SLC66A1: variants seen among roughly 807,000 people sequenced by gnomAD.
The protein encoded by SLC66A1 is solute carrier family 66 member 1.
A neutral mutation model predicts 33.0 loss-of-function variants in SLC66A1; 23 were observed. The observed-to-expected ratio is 0.70, with a 90% CI of 0.50 to 0.99. SLC66A1 has a LOEUF of 0.99. SLC66A1 is among the 50% of genes least tolerant of loss of function. The pLI is 0.00. For synonymous variants in SLC66A1, 164 were observed against 175.5 expected (o/e 0.93, Z 0.52); for missense variants, 335 against 383.6 (o/e 0.87, Z 1.06).
In SLC66A1 at chr1:19,328,050, T is replaced by A. The variant is rs533890667; in HGVS notation, c.805-522T>A. The A allele has an allele frequency of 2.8e-5, 7 of 248,026 alleles. No individual in the cohort carries two copies. Among genetic ancestry groups the A allele is most frequent in the Non-Finnish European group, 4.8e-5 (6 of 124,704 alleles). The allele number at this position is 248,026 out of a possible 1,614,324, so 15.4% of individuals were successfully genotyped here. On this transcript the variant is annotated intron_variant, in intron 7 of 7. Transcript: ENST00000375153. This position sits in a 1 kb window ranked among gnomAD's most constrained non-coding sequence, Gnocchi z 4.7. ...TGTCTCGTCAGGATGTTGTGTAAGA[T>A]GAGGTATCTGGAAACACTCCCCACA...
At position 19,329,085 on chromosome 1, in the gene SLC66A1, C is replaced by G. The variant is rs1142407; in HGVS notation, c.*442C>G. 5.6e-6 allele frequency: 1 copy of G among 179,130 alleles called. No individual in the cohort carries two copies. Among genetic ancestry groups the G allele is most frequent in the South Asian group, 1.2e-4 (1 of 8,530 alleles). 11.1% of individuals were successfully genotyped at this position (179,130 alleles called of 1,614,324 possible). A position where few individuals can be genotyped will look rare whatever the true frequency, so the allele number is the denominator to read the frequency against. ...CAGCCTGGCCAACATGGTGAAACCC[C>G]ATCTCTACTAAAAATACAAAAATTA... On this transcript the variant is annotated 3_prime_UTR_variant, in exon 8 of 8. Coordinates refer to ENST00000375153, the MANE Select transcript of SLC66A1 (RefSeq NM_001040125.2).
Position 19,327,590 on chromosome 1 carries a change from G to A in SLC66A1, c.804+178G>A, listed in dbSNP as rs576907796. 114 of 777,274 alleles carry A rather than the reference G, an allele frequency of 1.5e-4. 1 individual carries two copies. In the South Asian group the frequency reaches 1.7e-3, roughly 11 times the overall value. The allele number at this position is 777,274 out of a possible 1,614,324, so 48.1% of individuals were successfully genotyped here. A position where few individuals can be genotyped will look rare whatever the true frequency, so the allele number is the denominator to read the frequency against. On this transcript the variant is annotated intron_variant, in intron 7 of 7. Coordinates refer to ENST00000375153, the MANE Select transcript of SLC66A1 (RefSeq NM_001040125.2). ...ACCCAGTCGTGCACACCTCCTGTGT[G>A]CCAGGCACCCAGCTGGACCCTGGAG...
chr1:19,334,139 A>G (rs946496939), downstream of SLC66A1, among the ~76,000 whole-genome samples: 8 of 152,016 alleles, frequency 5.3e-5, no homozygotes, highest in Admixed American at 5.2e-4. Context: ...TAAGTACTCC[A>G]CCCCCACCAA....
intron 2 of SLC66A1, among the ~76,000 whole-genome samples, chr1:19,323,497 C>T (rs2093847893): frequency 6.6e-6 from 1 of 151,302 alleles, no homozygotes; most frequent in East Asian, 2.0e-4. Context: ...ACCTCCACCT[C>T]CTGGCTTCAA....
In SLC66A1 at chr1:19,326,303, G is replaced by A. The variant is rs200683177; in HGVS notation, c.441G>A (p.Pro147=). The A allele has an allele frequency of 1.1e-5, 18 of 1,606,826 alleles. No individual in the cohort carries two copies. Among genetic ancestry groups the A allele is most frequent in the South Asian group, 8.8e-5 (8 of 91,064 alleles). Reference sequence around the variant, plus strand: ...TCATGGGGATGGCGTGCGCCACACCGCTGCTGAGTGCTGCTGGGCCCGTGG... The same window carrying A: ...TCATGGGGATGGCGTGCGCCACACCACTGCTGAGTGCTGCTGGGCCCGTGG... The part of the protein sequence containing the change: ...LFLMGMACAT[P]LLSAAGPVAA... Residue 147 remains proline (P), a synonymous_variant, in exon 5 of 8, where the codon CCG becomes CCA. Coordinates refer to ENST00000375153, the MANE Select transcript of SLC66A1 (RefSeq NM_001040125.2).
downstream of SLC66A1, among the ~76,000 whole-genome samples, chr1:19,332,565 T>C (rs984404019): frequency 1.3e-5 from 2 of 151,800 alleles, no homozygotes; most frequent in Non-Finnish European, 2.9e-5. Flanking sequence ...AGCCAAGGAG[T>C]TCAAGACCAA....
At position 19,328,605 on chromosome 1, in the gene SLC66A1, ACCGCCGCCTCGGAGCTTGAGCC is replaced by A. The variant is rs1445874379; in HGVS notation, c.841_862del (p.Ala281SerfsTer114). Reference sequence around the variant, plus strand: ...CCAGTTCCTGGTGTACAGGCGCAGCACCGCCGCCTCGGAGCTTGAGCCCCTCCTCCCCAGCTGACCAGAACCA... The same window carrying A: ...CCAGTTCCTGGTGTACAGGCGCAGCACCTCCTCCCCAGCTGACCAGAACCA... On this transcript the variant is annotated frameshift_variant, in exon 8 of 8. Coordinates refer to ENST00000375153, the MANE Select transcript of SLC66A1 (RefSeq NM_001040125.2). LOFTEE classifies it high-confidence loss of function. The surrounding 1 kb of genome is among the most constrained non-coding windows in gnomAD (Gnocchi z 4.7). 6.2e-7 allele frequency: 1 copy of A among 1,613,680 alleles called. No homozygotes were observed. The highest frequency in any genetic ancestry group is 2.2e-5 in the East Asian group (1 of 44,866).
At chr1:19,313,880 G>GA (rs1266115686) in intron 1 of SLC66A1, among the ~76,000 whole-genome samples, 2 of 152,224 alleles carry the variant, frequency 1.3e-5, no homozygotes, top group Non-Finnish European at 2.9e-5. Context: ...TGTGGCAGGA[G>GA]ATGTCATCTC....
intron 1 of SLC66A1, 49 bp downstream of exon 1, chr1:19,312,938 G>A (rs2093784847): frequency 6.5e-6 from 1 of 152,842 alleles, no homozygotes; most frequent in South Asian, 2.1e-4. Flanking sequence ...GAAGTGTGAG[G>A]GGTCCCGGGC....
Position 19,325,644 on chromosome 1 carries a change from G to GA in SLC66A1, c.382+62_382+63insA, listed in dbSNP as rs2093861477. 8 of 1,298,462 alleles carry GA rather than the reference G, an allele frequency of 6.2e-6. No individual in the cohort carries two copies. In the East Asian group the frequency reaches 1.4e-4, roughly 23 times the overall value. 80.4% of individuals were successfully genotyped at this position (1,298,462 alleles called of 1,614,324 possible). A position where few individuals can be genotyped will look rare whatever the true frequency, so the allele number is the denominator to read the frequency against. On this transcript the variant is annotated intron_variant, in intron 4 of 7. Coordinates refer to ENST00000375153, the MANE Select transcript of SLC66A1 (RefSeq NM_001040125.2). ...CAGCAGCAGGGGGCAGTTGTGGGGG[G>GA]GGGCGCCTGGAGTGTGGGAGGAAGC... is the stretch of plus-strand genomic sequence containing the variant.
chr1:19,326,987 G>A (rs1162503970), intron 6 of SLC66A1, among the ~76,000 whole-genome samples: 1 of 152,160 alleles, frequency 6.6e-6, no homozygotes, highest in Non-Finnish European at 1.5e-5. Flanking sequence ...GCAGGGTGGT[G>A]TGGGGCCACA....
intron 5 of SLC66A1, 26 bp downstream of exon 5, chr1:19,326,413 G>C: frequency 1.2e-6 from 2 of 1,605,830 alleles, no homozygotes; most frequent in South Asian, 2.2e-5. Context: ...GGCGGTCGAA[G>C]GGATGGAGGC....
intron 1 of SLC66A1, among the ~76,000 whole-genome samples, chr1:19,313,484 C>T (rs1191397468): frequency 6.6e-6 from 1 of 152,160 alleles, no homozygotes; most frequent in Non-Finnish European, 1.5e-5. Context: ...AGACAGTGGT[C>T]GCAGAGGACG....
intron 4 of SLC66A1, 60 bp downstream of exon 4, chr1:19,325,642 G>GA: frequency 1.5e-6 from 2 of 1,301,286 alleles, no homozygotes; most frequent in Non-Finnish European, 2.2e-6. Context: ...CAGTTGTGGG[G>GA]GGGGGCGCCT....
chr1:19,316,970 A>G (rs2151999119), intron 1 of SLC66A1, among the ~76,000 whole-genome samples: 1 of 117,998 alleles, frequency 8.5e-6, no homozygotes, highest in Non-Finnish European at 1.6e-5. Flanking sequence ...CCAGGCTGCC[A>G]GGCTGGTCTC....
intron 7 of SLC66A1, 166 bp downstream of exon 7, chr1:19,327,578 C>T (rs957437514): frequency 2.9e-5 from 24 of 824,318 alleles, no homozygotes; most frequent in African/African-American, 2.5e-4. Flanking sequence ...CAGTCGTGCA[C>T]ACCTCCTGTG....
rs1200519551 is a variant in SLC66A1 at position 19,314,787 on chromosome 1, G to T, written c.-79+1898G>T. Among the ~76,000 whole-genome samples, 4 of 152,358 alleles carry T rather than the reference G, an allele frequency of 2.6e-5. No homozygotes were observed. In the East Asian group the frequency reaches 5.8e-4, roughly 22 times the overall value. On this transcript the variant is annotated intron_variant, in intron 1 of 7. Transcript: ENST00000375153. ...GCAGCCTTGTGTTCAGACTCTGCAAGGGGGTGTGGGGGTGCACCCCAGTTG... is the reference window on the plus strand; with the variant it reads ...GCAGCCTTGTGTTCAGACTCTGCAATGGGGTGTGGGGGTGCACCCCAGTTG...
At chr1:19,320,467 G>A (rs2093829119) in intron 2 of SLC66A1, among the ~76,000 whole-genome samples, 2 of 147,402 alleles carry the variant, frequency 1.4e-5, no homozygotes, top group Non-Finnish European at 3.0e-5. Flanking sequence ...AGGCTGGAGA[G>A]CGGTGGTGCG....
chr1:19,327,537 C>CTCCCTCCT, intron 7 of SLC66A1, 125 bp downstream of exon 7: 1 of 969,184 alleles, frequency 1.0e-6, no homozygotes, highest in Non-Finnish European at 1.6e-6. Context: ...CCATCCCTCC[C>CTCCCTCCT]TCCCTCCCTC....
Sources: allele counts gnomAD v4.1 joint callset (sites outside exome capture counted in the v4.1 genomes callset), GRCh38; gene constraint gnomAD v4.1.1; non-coding constraint Gnocchi (gnomAD v3.1); transcripts MANE v1.5; gene names NCBI Gene and HGNC (gene_info 2026-07-23, HGNC 2026-07-21).